The following ELMO1 variants were observed in gnomAD, a reference collection of about 807,000 sequenced individuals.
ELMO1 encodes engulfment and cell motility 1.
ELMO1 carries 26 observed loss-of-function variants against 98.9 expected under a neutral mutation model. That is an observed-to-expected ratio of 0.26 (90% confidence interval 0.19 to 0.36). The LOEUF is 0.36. Ranked by LOEUF, ELMO1 falls within the 10% of genes least tolerant of loss-of-function variation. The pLI is 1.00. For missense variants in ELMO1, 627 were observed against 935.2 expected, an observed-to-expected ratio of 0.67 and a Z score of 4.30; for synonymous variants, 346 against 346.0, an observed-to-expected ratio of 1.00 and a Z score of 0.00.
intron 19 of ELMO1, 75 bp downstream of exon 19, chr7:36,877,935 T>C (rs750179936): frequency 7.0e-6 from 8 of 1,138,530 alleles, no homozygotes; most frequent in Non-Finnish European, 9.2e-6. Flanking sequence ...CTGATAGTTC[T>C]GTTGCGTGAT....
chr7:37,008,096 C>A (rs745636422), intron 16 of ELMO1, among the ~76,000 whole-genome samples: 33 of 152,190 alleles, frequency 2.2e-4, no homozygotes, highest in Non-Finnish European at 4.4e-4. Context: ...TAGTTTCTTC[C>A]ATTTTGGTAA....
Position 37,391,899 on chromosome 7 carries a change from A to G in ELMO1, c.-73-49136T>C, listed in dbSNP as rs111356345. ...TGCAAGAAAGAGCAGCAAAGCCTGT[A>G]GGGAAGTGTGTGTACCCCCCTAAGA... On this transcript the variant is annotated intron_variant, in intron 1 of 21. Transcript: ENST00000310758. Among the ~76,000 whole-genome samples the G allele has an allele frequency of 4.7e-3, 713 of 152,344 alleles. 5 individuals carry two copies. Among genetic ancestry groups the G allele is most frequent in the African/African-American group, 0.016 (679 of 41,576 alleles).
Position 37,374,375 on chromosome 7 carries a change from A to G in ELMO1, c.-73-31612T>C, listed in dbSNP as rs1435671408. ...TCCGAGAATTAATAATTTTTTTGAAATCTTGCTAAAACCTATATATGCTAT... is the reference window on the plus strand; with the variant it reads ...TCCGAGAATTAATAATTTTTTTGAAGTCTTGCTAAAACCTATATATGCTAT... On this transcript the variant is annotated intron_variant, in intron 1 of 21. Coordinates refer to ENST00000310758, the MANE Select transcript of ELMO1 (RefSeq NM_014800.11). Among the ~76,000 whole-genome samples the G allele has an allele frequency of 2.0e-5, 3 of 152,162 alleles. No individual in the cohort carries two copies. In the East Asian group the frequency reaches 5.8e-4, roughly 29 times the overall value.
At chr7:37,410,576 T>C (rs1396014053) in intron 1 of ELMO1, among the ~76,000 whole-genome samples, 1 of 152,190 alleles carries the variant, frequency 6.6e-6, no homozygotes, top group East Asian at 1.9e-4. Context: ...GTGGGTCTTC[T>C]ACAAATGTTA....
At chr7:36,883,552 T>C (rs985464328) in intron 18 of ELMO1, among the ~76,000 whole-genome samples, 27 of 152,136 alleles carry the variant, frequency 1.8e-4, no homozygotes, top group African/African-American at 6.5e-4. Flanking sequence ...TGTATAGTGA[T>C]AAAGTCCTCT....
chr7:36,912,440 C>A (rs993510112), intron 16 of ELMO1, among the ~76,000 whole-genome samples: 1 of 152,152 alleles, frequency 6.6e-6, no homozygotes, highest in Admixed American at 6.5e-5. Context: ...TGAGTACTGA[C>A]GGAGACTGTG....
chr7:37,236,860 T>C (rs1437441629), intron 7 of ELMO1, among the ~76,000 whole-genome samples: 1 of 152,178 alleles, frequency 6.6e-6, no homozygotes, highest in Non-Finnish European at 1.5e-5. Context: ...AGAGGAGTAA[T>C]TCAGGCTCCA....
chr7:36,890,026 C>G (rs1805418033), intron 17 of ELMO1, among the ~76,000 whole-genome samples: 1 of 152,178 alleles, frequency 6.6e-6, no homozygotes, highest in African/African-American at 2.4e-5. Flanking sequence ...GTAAGCCCTA[C>G]AGTATGTTTC....
chr7:36,947,057 A>G (rs1787552998), intron 16 of ELMO1, among the ~76,000 whole-genome samples: 1 of 152,116 alleles, frequency 6.6e-6, no homozygotes, highest in Non-Finnish European at 1.5e-5. Context: ...TTGGACTTCT[A>G]TTGAACCCGT....
intron 8 of ELMO1, among the ~76,000 whole-genome samples, chr7:37,232,571 G>A (rs1794235063): frequency 2.0e-5 from 3 of 152,178 alleles, no homozygotes; most frequent in Admixed American, 1.3e-4. Context: ...TGAAGAACTG[G>A]TAGAACTGGG....
rs71553100 is a variant in ELMO1 at position 37,171,481 on chromosome 7, C to CTTTTTTTTTTTTTTTTTTT, written c.1087-38248_1087-38247insAAAAAAAAAAAAAAAAAAA. Among the ~76,000 whole-genome samples the CTTTTTTTTTTTTTTTTTTT allele has an allele frequency of 4.5e-5, 2 of 44,268 alleles. 1 individual carries two copies. The highest frequency in any genetic ancestry group is 1.0e-4 in the Non-Finnish European group (2 of 19,718). 29.0% of individuals were successfully genotyped at this position (44,268 alleles called of 152,430 possible). ...AGTTTATTCTTGTAACCAGGCCTTT[C>CTTTTTTTTTTTTTTTTTTT]TATTTTTTTTTTTTTTTTTTTTTTT... On this transcript the variant is annotated intron_variant, in intron 13 of 21. Transcript: ENST00000310758.
intron 16 of ELMO1, among the ~76,000 whole-genome samples, chr7:36,919,766 G>A (rs979668109): frequency 4.6e-5 from 7 of 152,092 alleles, no homozygotes; most frequent in Admixed American, 2.0e-4. Context: ...AAGAGTTTCT[G>A]CAATCCAAAG....
intron 16 of ELMO1, among the ~76,000 whole-genome samples, chr7:36,899,787 G>A (rs1385572231): frequency 6.9e-6 from 1 of 144,200 alleles, no homozygotes; most frequent in Non-Finnish European, 1.5e-5. Context: ...GGTACATACT[G>A]GATATCTGGC....
chr7:37,128,542 GT>G (rs11266805), intron 14 of ELMO1, among the ~76,000 whole-genome samples: 43,535 of 152,092 alleles, frequency 0.29, 8,885 homozygotes, highest in African/African-American at 0.58. Flanking sequence ...GCCCGTCCAA[GT>G]TTTGGGGTAA....
intron 4 of ELMO1, among the ~76,000 whole-genome samples, chr7:37,308,050 T>C (rs541131853): frequency 2.6e-5 from 4 of 152,114 alleles, no homozygotes; most frequent in African/African-American, 9.6e-5. Context: ...GAGATGGAGG[T>C]TGCAGTGAGC....
chr7:37,081,846 ATGAAC>A (rs1797882789), intron 15 of ELMO1, among the ~76,000 whole-genome samples: 1 of 152,250 alleles, frequency 6.6e-6, no homozygotes, highest in South Asian at 2.1e-4. Flanking sequence ...AATGAAAACA[ATGAAC>A]CCTGCGAGGC....
intron 1 of ELMO1, among the ~76,000 whole-genome samples, chr7:37,354,481 C>A (rs371072627): frequency 5.9e-5 from 9 of 152,296 alleles, no homozygotes; most frequent in Admixed American, 5.2e-4. Context: ...TGGAAAAATT[C>A]TTTCAAAAAC....
chr7:37,432,532 T>G (rs1322796484), intron 1 of ELMO1, among the ~76,000 whole-genome samples: 3 of 152,234 alleles, frequency 2.0e-5, no homozygotes, highest in Non-Finnish European at 2.9e-5. Context: ...GTTCCAGAGA[T>G]GAAGAGCCAA....
chr7:36,897,060 CTCATG>C (rs1354036790), intron 16 of ELMO1, among the ~76,000 whole-genome samples: 1 of 152,216 alleles, frequency 6.6e-6, no homozygotes, highest in African/African-American at 2.4e-5. Context: ...AGATGATTCC[CTCATG>C]TCATGTGTTT....
Sources: allele counts gnomAD v4.1 joint callset (sites outside exome capture counted in the v4.1 genomes callset), GRCh38; gene constraint gnomAD v4.1.1; transcripts MANE v1.5; gene names NCBI Gene and HGNC (gene_info 2026-07-23, HGNC 2026-07-21).